Variants in UST observed in about 807,000 individuals in gnomAD.
UST encodes the protein chondroitin sulfate 2-O-sulfotransferase.
Under a neutral mutation model 45.6 loss-of-function variants are expected in UST, and 21 were observed. That is an observed-to-expected ratio of 0.46 (90% CI 0.33 to 0.66). The LOEUF (loss-of-function observed/expected upper bound fraction) is 0.66. Among genes scored for constraint, UST ranks in the 30% least tolerant of loss-of-function variants. UST has a pLI of 0.02. For missense variants in UST, 463 were observed against 512.4 expected (o/e 0.90, Z 0.93); for synonymous variants, 215 against 200.6 (o/e 1.07, Z -0.61).
At chr6:148,844,918 C>T (rs1243275913) in intron 1 of UST, among the ~76,000 whole-genome samples, 4 of 152,032 alleles carry the variant, frequency 2.6e-5, no homozygotes. Context: ...ATTCACTTGG[C>T]ATTATGGTCT....
At chr6:148,993,238 A>T (rs1253347734) in intron 5 of UST, among the ~76,000 whole-genome samples, 1 of 152,236 alleles carries the variant, frequency 6.6e-6, no homozygotes, top group Non-Finnish European at 1.5e-5. Flanking sequence ...GGCACAGGTC[A>T]TCAGCTAAAT....
intron 7 of UST, among the ~76,000 whole-genome samples, chr6:149,035,874 T>G (rs1325788420): frequency 2.0e-5 from 3 of 152,198 alleles, no homozygotes; most frequent in Non-Finnish European, 1.5e-5. Context: ...GAGGTTTTGC[T>G]GGAAAAATAT....
At chr6:148,838,989 C>T (rs963172444) in intron 1 of UST, among the ~76,000 whole-genome samples, 3 of 152,152 alleles carry the variant, frequency 2.0e-5, no homozygotes, top group Non-Finnish European at 2.9e-5. Context: ...TCTATTTAAC[C>T]GGCTAATATT....
chr6:148,934,985 T>TAGAC lies in UST; in HGVS notation c.292-6293_292-6290dup, dbSNP rs571545286. On this transcript the variant is annotated intron_variant, in intron 2 of 7. Transcript: ENST00000367463. The surrounding 1 kb of genome is among the most constrained non-coding windows in gnomAD (Gnocchi z 4.1). ...ATTACCAATCCCCAGAAGAGCTCTA[T>TAGAC]AGACTCTGGGTCTCATAGACTATGA... Among the ~76,000 whole-genome samples, 1,067 of 152,358 alleles carry TAGAC rather than the reference T, an allele frequency of 7.0e-3. 10 individuals carry two copies. Among genetic ancestry groups the TAGAC allele is most frequent in the Non-Finnish European group, 8.0e-3 (542 of 68,034 alleles).
intron 7 of UST, among the ~76,000 whole-genome samples, chr6:149,052,193 A>G (rs966192462): frequency 5.9e-5 from 9 of 152,252 alleles, no homozygotes; most frequent in Middle Eastern, 3.2e-3. Flanking sequence ...TCATTAACAC[A>G]TTAAGTTTCA....
At chr6:148,910,489 T>C (rs1779451405) in intron 2 of UST, among the ~76,000 whole-genome samples, 3 of 152,156 alleles carry the variant, frequency 2.0e-5, no homozygotes, top group African/African-American at 7.2e-5. Context: ...GTTCAGGGTG[T>C]GAAGGACAAG....
chr6:148,846,930 A>C (rs1242002190), intron 1 of UST, among the ~76,000 whole-genome samples: 1 of 152,252 alleles, frequency 6.6e-6, no homozygotes, highest in Non-Finnish European at 1.5e-5. Flanking sequence ...GATCTCCAGA[A>C]GGAAGTGAGT....
chr6:148,819,046 C>T (rs1319122627), intron 1 of UST, among the ~76,000 whole-genome samples: 1 of 152,158 alleles, frequency 6.6e-6, no homozygotes, highest in Non-Finnish European at 1.5e-5. Flanking sequence ...GGTTAATACT[C>T]ATTGAATTTT....
rs916966155 is a variant in UST, at chr6:148,790,842, A to G, written c.247+43165A>G. On this transcript the variant is annotated intron_variant, in intron 1 of 7. Transcript: ENST00000367463. This position sits in a 1 kb window ranked among gnomAD's most constrained non-coding sequence, Gnocchi z 4.2. Reference sequence around the variant, plus strand: ...TCCAGAGCTCCTGTGGGACAGGCTGAGCTCCGTTGCAGCTGCATCGCAGTT... The same window carrying G: ...TCCAGAGCTCCTGTGGGACAGGCTGGGCTCCGTTGCAGCTGCATCGCAGTT... 6.6e-6 allele frequency among the ~76,000 whole-genome samples: 1 copy of G among 152,152 alleles called. No individual in the cohort carries two copies. The highest frequency in any genetic ancestry group is 1.5e-5 in the Non-Finnish European group (1 of 68,036).
intron 1 of UST, among the ~76,000 whole-genome samples, chr6:148,793,681 A>T (rs1371933310): frequency 6.6e-6 from 1 of 152,152 alleles, no homozygotes. Context: ...CAGCTCCATT[A>T]TCATCTTGTG....
intron 1 of UST, among the ~76,000 whole-genome samples, chr6:148,840,475 T>G (rs571712158): frequency 4.3e-4 from 65 of 152,240 alleles, no homozygotes; most frequent in Non-Finnish European, 5.6e-4. Flanking sequence ...CATATCCTAG[T>G]GGTTAGCATC....
At chr6:148,851,619 G>A (rs988800361) in intron 1 of UST, among the ~76,000 whole-genome samples, 3 of 152,294 alleles carry the variant, frequency 2.0e-5, no homozygotes, top group East Asian at 3.9e-4. Context: ...TCAGCCAGGC[G>A]ACCTTTATGG....
chr6:149,021,211 A>G, intron 6 of UST, 113 bp from the exon 7 acceptor site: 9 of 1,225,270 alleles, frequency 7.3e-6, no homozygotes, highest in Non-Finnish European at 1.0e-5. Context: ...TGAGGGAAAC[A>G]GGATTTGGAC....
intron 1 of UST, 95 bp from the exon 2 acceptor site, chr6:148,886,891 A>G (rs1249924101): frequency 2.7e-5 from 28 of 1,026,498 alleles, no homozygotes; most frequent in South Asian, 5.3e-5. Context: ...GAGCAGAAAT[A>G]CTGTATAACT....
intron 1 of UST, among the ~76,000 whole-genome samples, chr6:148,823,524 C>T (rs541343095): frequency 6.6e-6 from 1 of 152,154 alleles, no homozygotes; most frequent in Admixed American, 6.5e-5. Flanking sequence ...ATTATATTTT[C>T]TTTCTTAATC....
rs952535737 is a variant in UST, at chr6:148,748,562, C to A, written c.247+885C>A. Among the ~76,000 whole-genome samples the A allele has an allele frequency of 1.3e-5, 2 of 151,690 alleles. No homozygotes were observed. The highest frequency in any genetic ancestry group is 2.4e-5 in the African/African-American group (1 of 41,268). Reference sequence around the variant, plus strand: ...GCGTGACCCCGCAGCTCCCTCGTCTCGGCTGCGGGAGCCAGGGGTGCCAGG... The same window carrying A: ...GCGTGACCCCGCAGCTCCCTCGTCTAGGCTGCGGGAGCCAGGGGTGCCAGG... On this transcript the variant is annotated intron_variant, in intron 1 of 7. Coordinates refer to ENST00000367463, the MANE Select transcript of UST (RefSeq NM_005715.3). This position sits in a 1 kb window ranked among gnomAD's most constrained non-coding sequence, Gnocchi z 5.3.
intron 3 of UST, among the ~76,000 whole-genome samples, chr6:148,945,356 T>C (rs1016019816): frequency 1.3e-5 from 2 of 152,252 alleles, no homozygotes; most frequent in African/African-American, 4.8e-5. Flanking sequence ...ATTCTCATCA[T>C]GCAGTGTTTA....
intron 1 of UST, among the ~76,000 whole-genome samples, chr6:148,750,094 C>T (rs1464181395): frequency 6.6e-6 from 1 of 152,200 alleles, no homozygotes. Flanking sequence ...CACATCCTCT[C>T]AATTTCCTCA....
At chr6:148,854,445 A>C (rs17078998) in intron 1 of UST, among the ~76,000 whole-genome samples, 1,599 of 152,290 alleles carry the variant, frequency 0.01, 26 homozygotes, top group African/African-American at 0.035. Context: ...TAGAACTGAA[A>C]ATTTAATTTT....
Sources: allele counts gnomAD v4.1 joint callset (sites outside exome capture counted in the v4.1 genomes callset), GRCh38; gene constraint gnomAD v4.1.1; non-coding constraint Gnocchi (gnomAD v3.1); transcripts MANE v1.5; gene names NCBI Gene and HGNC (gene_info 2026-07-23, HGNC 2026-07-21).